PTPN9: variants seen among roughly 807,000 people sequenced by gnomAD.
PTPN9 encodes the protein tyrosine-protein phosphatase non-receptor type 9.
A neutral mutation model predicts 69.8 loss-of-function variants in PTPN9; 26 were observed. The observed-to-expected ratio is 0.37, with a 90% CI of 0.27 to 0.52. The LOEUF is 0.52. Ranked by LOEUF, PTPN9 falls within the 20% of genes least tolerant of loss-of-function variation. PTPN9 has a pLI of 0.91. For missense variants in PTPN9, 549 were observed against 740.3 expected (o/e 0.74, Z 3.00); for synonymous variants, 274 against 272.5 (o/e 1.01, Z -0.05).
chr15:75,517,178 T>G, intron 5 of PTPN9, 81 bp downstream of exon 5: 1 of 1,066,190 alleles, frequency 9.4e-7, no homozygotes, highest in Non-Finnish European at 1.3e-6. Context: ...GCATCTTTCC[T>G]AAATCTTTTC....
intron 2 of PTPN9, among the ~76,000 whole-genome samples, 174 bp from the exon 3 acceptor site, chr15:75,524,472 G>A (rs1182514463): frequency 6.6e-6 from 1 of 152,136 alleles, no homozygotes; most frequent in Non-Finnish European, 1.5e-5. Flanking sequence ...ACTTCATTTA[G>A]TTGAATTAGA....
chr15:75,528,114 C>CTT (rs1194068876), intron 1 of PTPN9, among the ~76,000 whole-genome samples: 3 of 152,154 alleles, frequency 2.0e-5, no homozygotes, highest in Non-Finnish European at 4.4e-5. Context: ...CCTCTTCATG[C>CTT]TTTATATGGC....
In PTPN9 at chr15:75,578,708, G is replaced by A. The variant is rs1333134263; in HGVS notation, c.63+6C>T. The A allele has an allele frequency of 8.8e-6, 12 of 1,370,850 alleles. No homozygotes were observed. Among genetic ancestry groups the A allele is most frequent in the Non-Finnish European group, 1.1e-5 (12 of 1,059,128 alleles). 84.9% of individuals were successfully genotyped at this position (1,370,850 alleles called of 1,614,324 possible). A position where few individuals can be genotyped will look rare whatever the true frequency, so the allele number is the denominator to read the frequency against. ...CACCCAACGCGGCGGCCTCGGGCCC[G>A]CTTACCTGCTCCTCCTCCGGGGTCA... On this transcript the variant is annotated splice_donor_region_variant and intron_variant, in intron 1 of 12. Transcript: ENST00000618819.
At chr15:75,574,062 C>A (rs1174686086) in intron 1 of PTPN9, among the ~76,000 whole-genome samples, 2 of 152,076 alleles carry the variant, frequency 1.3e-5, no homozygotes, top group East Asian at 3.8e-4. Context: ...GGAGCAGAGA[C>A]AAGTGTGAGA....
intron 1 of PTPN9, among the ~76,000 whole-genome samples, chr15:75,569,843 G>A (rs1249542612): frequency 6.6e-6 from 1 of 151,298 alleles, no homozygotes; most frequent in East Asian, 1.9e-4. Context: ...TTTTTTTTGA[G>A]ATGGATTCTC....
chr15:75,566,260 C>A (rs1468516579), intron 1 of PTPN9, among the ~76,000 whole-genome samples: 1 of 152,032 alleles, frequency 6.6e-6, no homozygotes, highest in African/African-American at 2.4e-5. Context: ...ACTTATAAAT[C>A]TTCTAGTTTA....
chr15:75,557,748 G>A (rs1368728203), intron 1 of PTPN9, among the ~76,000 whole-genome samples: 3 of 152,148 alleles, frequency 2.0e-5, no homozygotes, highest in African/African-American at 4.8e-5. Flanking sequence ...TTGTAGCACT[G>A]TAAAGATAGC....
chr15:75,504,441 G>GC lies in PTPN9; in HGVS notation c.968+1233dup, dbSNP rs1305002103. 1.1e-4 allele frequency among the ~76,000 whole-genome samples: 15 copies of GC among 133,952 alleles called. No individual in the cohort carries two copies. In the East Asian group the frequency reaches 2.0e-3, roughly 18 times the overall value. The allele number at this position is 133,952 out of a possible 152,430, so 87.9% of individuals were successfully genotyped here. ...GTCCGGGAGGGAGGTGGGGGGATCA[G>GC]CCCCCCGCCCGGCCAGCCGCCCGGT... On this transcript the variant is annotated intron_variant, in intron 7 of 12. Coordinates refer to ENST00000618819, the MANE Select transcript of PTPN9 (RefSeq NM_002833.4).
chr15:75,513,662 G>C (rs1401500908), intron 5 of PTPN9, among the ~76,000 whole-genome samples: 2 of 151,942 alleles, frequency 1.3e-5, no homozygotes, highest in East Asian at 3.9e-4. Context: ...AGCTGCTTGG[G>C]AGGCTGAGGC....
chr15:75,539,086 C>T (rs558549253), intron 1 of PTPN9, among the ~76,000 whole-genome samples: 1 of 152,166 alleles, frequency 6.6e-6, no homozygotes, highest in African/African-American at 2.4e-5. Context: ...TATAAGCAAC[C>T]TTTAAAAAAT....
At chr15:75,504,077 T>TG (rs1257396904) in intron 7 of PTPN9, among the ~76,000 whole-genome samples, 2 of 84,208 alleles carry the variant, frequency 2.4e-5, no homozygotes, top group African/African-American at 9.6e-5. Context: ...GGGAGGGAGG[T>TG]GGGGGGATCA....
chr15:75,537,958 C>T (rs2074992239), intron 1 of PTPN9, among the ~76,000 whole-genome samples: 2 of 151,486 alleles, frequency 1.3e-5, no homozygotes, highest in Admixed American at 6.6e-5. Flanking sequence ...ACTCAGGAGG[C>T]TGAGGCAGGA....
At chr15:75,549,941 T>C (rs758364684) in intron 1 of PTPN9, among the ~76,000 whole-genome samples, 16 of 152,020 alleles carry the variant, frequency 1.1e-4, no homozygotes, top group Non-Finnish European at 2.2e-4. Flanking sequence ...ATCCCTGTAC[T>C]CTTGCCTGAG....
chr15:75,562,656 C>A (rs577423630), intron 1 of PTPN9, among the ~76,000 whole-genome samples: 32 of 151,954 alleles, frequency 2.1e-4, no homozygotes, highest in Admixed American at 5.9e-4. Flanking sequence ...ACGGTGAAAC[C>A]CCATCTCTAC....
intron 1 of PTPN9, among the ~76,000 whole-genome samples, chr15:75,559,102 G>A (rs1167796855): frequency 2.0e-5 from 3 of 151,140 alleles, no homozygotes; most frequent in East Asian, 2.0e-4. Flanking sequence ...CTGCCCAGCC[G>A]CCCATCGTCT....
chr15:75,503,551 G>GA (rs2074788256), intron 7 of PTPN9, among the ~76,000 whole-genome samples: 1 of 104,362 alleles, frequency 9.6e-6, no homozygotes, highest in African/African-American at 3.5e-5. Flanking sequence ...AGGTGGGGGG[G>GA]TCAGCCCCCC....
chr15:75,536,251 G>C (rs1159483587), intron 1 of PTPN9, among the ~76,000 whole-genome samples: 1 of 152,174 alleles, frequency 6.6e-6, no homozygotes, highest in Non-Finnish European at 1.5e-5. Flanking sequence ...GTGCTAATCA[G>C]TACAGTAGTT....
chr15:75,559,509 CTCAGCG>C lies in PTPN9; in HGVS notation c.63+19199_63+19204del, dbSNP rs936517095. On this transcript the variant is annotated intron_variant, in intron 1 of 12. Transcript: ENST00000618819. ...CTCTCTGAAACATGTGCTGTGTCCA[CTCAGCG>C]TTAGATGGATTAAGGGCGGTGCAAG... is the stretch of plus-strand genomic sequence containing the variant. Among the ~76,000 whole-genome samples, 9 of 152,292 alleles carry C rather than the reference CTCAGCG, an allele frequency of 5.9e-5. No individual in the cohort carries two copies. The East Asian group carries it at 1.7e-3, about 29-fold the overall frequency.
chr15:75,495,615 G>A (rs900666047), intron 7 of PTPN9, among the ~76,000 whole-genome samples: 3 of 152,134 alleles, frequency 2.0e-5, no homozygotes, highest in African/African-American at 7.2e-5. Flanking sequence ...TACTCAGGAG[G>A]CTGAGATATG....
Sources: gnomAD v4.1 joint callset for allele counts (sites outside exome capture counted in the v4.1 genomes callset) on GRCh38, gnomAD v4.1.1 for gene constraint, MANE v1.5 for transcripts, NCBI Gene and HGNC (gene_info 2026-07-23, HGNC 2026-07-21) for gene names.